GALNT9: variants seen among roughly 807,000 people sequenced by gnomAD.
The protein encoded by GALNT9 is polypeptide N-acetylgalactosaminyltransferase 9.
Under a neutral mutation model 63.1 loss-of-function variants are expected in GALNT9, and 47 were observed. The observed-to-expected ratio is 0.75, with a 90% CI of 0.59 to 0.95. The LOEUF is 0.95. Ranked by LOEUF, GALNT9 falls within the 40% of genes least tolerant of loss-of-function variation. GALNT9 has a pLI of 0.00. For synonymous variants in GALNT9, 396 were observed against 365.7 expected (o/e 1.08, Z -0.94); for missense variants, 829 against 874.8 (o/e 0.95, Z 0.66).
intron 8 of GALNT9, 35 bp from the exon 9 acceptor site, chr12:132,199,304 C>T: frequency 2.0e-6 from 3 of 1,501,872 alleles, no homozygotes; most frequent in South Asian, 1.1e-5. Context: ...AGTCCAGAGT[C>T]ACCCGAGGGT....
intron 1 of GALNT9, among the ~76,000 whole-genome samples, chr12:132,300,580 CCT>C (rs370636503): frequency 0.023 from 3,101 of 134,932 alleles, 76 homozygotes; most frequent in Middle Eastern, 0.048. Context: ...CTAACGCACC[CCT>C]GAGATAACCA....
intron 6 of GALNT9, among the ~76,000 whole-genome samples, chr12:132,217,284 T>C: frequency 7.2e-6 from 1 of 138,718 alleles, no homozygotes; most frequent in East Asian, 2.4e-4. Flanking sequence ...CATCTATCTA[T>C]CCATCCAGCC....
At chr12:132,217,173 C>G (rs1236214241) in intron 6 of GALNT9, among the ~76,000 whole-genome samples, 1 of 151,580 alleles carries the variant, frequency 6.6e-6, no homozygotes, top group Non-Finnish European at 1.5e-5. Context: ...TATCTATCCA[C>G]CCATCCACGC....
chr12:132,215,080 T>C (rs1188361225), intron 6 of GALNT9, among the ~76,000 whole-genome samples: 1 of 152,204 alleles, frequency 6.6e-6, no homozygotes, highest in Non-Finnish European at 1.5e-5. Flanking sequence ...TCCTGCCCGT[T>C]TAAGGGCGTT....
chr12:132,229,775 G>A (rs1019991925), intron 6 of GALNT9, among the ~76,000 whole-genome samples: 3 of 152,202 alleles, frequency 2.0e-5, no homozygotes, highest in African/African-American at 4.8e-5. Flanking sequence ...TGCCAGTTAC[G>A]GGGTTCAGGG....
At chr12:132,302,778 C>T (rs576393951) in intron 1 of GALNT9, among the ~76,000 whole-genome samples, 215 of 152,248 alleles carry the variant, frequency 1.4e-3, no homozygotes, top group East Asian at 3.9e-4. Context: ...TGAGTGGCTG[C>T]GCATGCAGGT....
chr12:132,241,394 C>A (rs2136901370), intron 6 of GALNT9, among the ~76,000 whole-genome samples: 485 of 12,870 alleles, frequency 0.038, no homozygotes, highest in Admixed American at 0.051. Context: ...CACACCACAC[C>A]CCCTTCCCGG....
intron 5 of GALNT9, 146 bp from the exon 6 acceptor site, chr12:132,248,173 G>C: frequency 3.1e-6 from 4 of 1,283,544 alleles, no homozygotes; most frequent in Non-Finnish European, 4.2e-6. Context: ...TGTGCTCAAG[G>C]TGAGGGGCCG....
intron 1 of GALNT9, among the ~76,000 whole-genome samples, chr12:132,287,068 C>T (rs888137061): frequency 1.8e-5 from 2 of 108,134 alleles, no homozygotes; most frequent in African/African-American, 6.1e-5. Context: ...CGCCCCCCCC[C>T]CCCCCCGTGA....
rs370693496 is a variant in GALNT9 at position 132,203,564 on chromosome 12, C to T, written c.1204G>A (p.Glu402Lys). ...GACTTGAAGTCATCCATCCACACCT[C>T]GGCGGCGCGCAGGGCGTTGCGCTTG... Reference protein sequence around the residue: ...YAKRNALRAAEVWMDDFKSHV... With the variant: ...YAKRNALRAAKVWMDDFKSHV... The change falls in exon 7 of 11, where the codon GAG (glutamate) becomes AAG (lysine). Residue 402 changes from glutamate (E) to lysine (K), a missense_variant. By Grantham distance (56) the Glu-to-Lys change is moderately conservative. Transcript: ENST00000328957. 1.2e-5 allele frequency: 19 copies of T among 1,613,868 alleles called. No individual in the cohort carries two copies. The highest frequency in any genetic ancestry group is 1.4e-5 in the Non-Finnish European group (17 of 1,179,876).
At chr12:132,240,893 C>A (rs2136899981) in intron 6 of GALNT9, among the ~76,000 whole-genome samples, 1,177 of 89,996 alleles carry the variant, frequency 0.013, 15 homozygotes, top group African/African-American at 0.054. Context: ...TACACACACA[C>A]CACACACCCT....
rs1460248277 is a variant in GALNT9, at chr12:132,199,180, G to A, written c.1491C>T (p.Ser497=). ...RAILYPCHGM[S]SQLVRYSADG... is the part of the protein sequence containing the mutation. ...TGGCCGCTGCTACTCCTACCTGGGA[G>A]GACATCCCGTGGCAGGGGTAGAGGA... is the stretch of plus-strand genomic sequence containing the variant. The change falls in exon 9 of 11, where the codon TCC becomes TCT. Residue 497 remains serine (S), a synonymous_variant. Coordinates refer to ENST00000328957, the MANE Select transcript of GALNT9 (RefSeq NM_001122636.2). 2 of 1,596,056 alleles carry A rather than the reference G, an allele frequency of 1.3e-6. No individual in the cohort carries two copies. Among genetic ancestry groups the A allele is most frequent in the Non-Finnish European group, 1.7e-6 (2 of 1,172,938 alleles).
chr12:132,302,958 T>C (rs1257332543), intron 1 of GALNT9, among the ~76,000 whole-genome samples: 1 of 134,330 alleles, frequency 7.4e-6, no homozygotes, highest in Admixed American at 7.5e-5. Context: ...ACCACTCCGG[T>C]GACCGTCTAA....
chr12:132,329,257 C>A lies in GALNT9; in HGVS notation c.-54G>T. ...GCGGGGCATCCCCAGCATCCCCGCC[C>A]GGGCCTGGGCTTCAGCTTCGGCTTC... On this transcript the variant is annotated 5_prime_UTR_variant, in exon 1 of 11. Transcript: ENST00000328957. The A allele has an allele frequency of 6.6e-7, 1 of 1,510,648 alleles. No homozygotes were observed. The allele number at this position is 1,510,648 out of a possible 1,614,324, so 93.6% of individuals were successfully genotyped here.
At position 132,196,806 on chromosome 12, in the gene GALNT9, G is replaced by T. The variant is rs573210040; in HGVS notation, c.*301C>A. The T allele has an allele frequency of 6.0e-6, 7 of 1,165,686 alleles. No homozygotes were observed. The highest frequency in any genetic ancestry group is 1.6e-5 in the African/African-American group (1 of 62,244). 72.2% of individuals were successfully genotyped at this position (1,165,686 alleles called of 1,614,324 possible). ...GGGGGGCTGTGGTACATGCAGAGGC[G>T]GCGGCTGTCCCAGCAGCCTGGCCAG... On this transcript the variant is annotated 3_prime_UTR_variant, in exon 11 of 11. Transcript: ENST00000328957.
At position 132,315,525 on chromosome 12, in the gene GALNT9, G is replaced by A. The variant is rs868959864; in HGVS notation, c.238+13441C>T. 5.3e-5 allele frequency among the ~76,000 whole-genome samples: 8 copies of A among 152,214 alleles called. No individual in the cohort carries two copies. Among genetic ancestry groups the A allele is most frequent in the South Asian group, 2.1e-4 (1 of 4,828 alleles). On this transcript the variant is annotated intron_variant, in intron 1 of 10. Coordinates refer to ENST00000328957, the MANE Select transcript of GALNT9 (RefSeq NM_001122636.2). This position sits in a 1 kb window ranked among gnomAD's most constrained non-coding sequence, Gnocchi z 6.1. The stretch of plus-strand genomic sequence containing the variant: ...ATCAGGGCTTGCTGGGTTTCACGCC[G>A]GAGCTGCACGCAGAGCTGATGCGAC...
chr12:132,247,835 C>T (rs980030239), intron 6 of GALNT9, 75 bp downstream of exon 6: 19 of 1,543,714 alleles, frequency 1.2e-5, no homozygotes, highest in Middle Eastern at 3.3e-4. Context: ...CGGCCTCACT[C>T]GCCCTCATCC....
intron 1 of GALNT9, among the ~76,000 whole-genome samples, chr12:132,317,654 TA>T (rs1229159931): frequency 1.3e-5 from 2 of 152,232 alleles, no homozygotes; most frequent in African/African-American, 4.8e-5. Context: ...AAAATCTTCC[TA>T]AAAGCTCAAA....
intron 6 of GALNT9, among the ~76,000 whole-genome samples, chr12:132,219,717 CT>C (rs2135519179): frequency 1.4e-5 from 2 of 143,574 alleles, no homozygotes; most frequent in African/African-American, 5.2e-5. Flanking sequence ...GAAGGGACAC[CT>C]CCCCAGGGTG....
Sources: allele counts gnomAD v4.1 joint callset (sites outside exome capture counted in the v4.1 genomes callset), GRCh38; gene constraint gnomAD v4.1.1; non-coding constraint Gnocchi (gnomAD v3.1); transcripts MANE v1.5; gene names NCBI Gene and HGNC (gene_info 2026-07-23, HGNC 2026-07-21).